Variants in PLCXD3 observed in about 807,000 individuals in gnomAD.
PLCXD3 encodes the protein phosphatidylinositol specific phospholipase C X domain containing 3.
Under a neutral mutation model 25.5 loss-of-function variants are expected in PLCXD3, and 19 were observed. The observed-to-expected ratio is 0.75, with a 90% CI of 0.52 to 1.09. The LOEUF (loss-of-function observed/expected upper bound fraction) is 1.09. Among genes scored for constraint, PLCXD3 ranks in the 50% least tolerant of loss-of-function variants. The probability of loss-of-function intolerance (pLI) is 0.00; values close to 1 mark genes in which losing one functional copy is unlikely to be tolerated. For missense variants in PLCXD3, 411 were observed against 388.1 expected (o/e 1.06, Z -0.50); for synonymous variants, 174 against 137.6 (o/e 1.26, Z -1.85).
rs1485852084 is a variant in PLCXD3 at position 41,312,808 on chromosome 5, A to G, written c.*809T>C. On this transcript the variant is annotated 3_prime_UTR_variant, in exon 3 of 3. Transcript: ENST00000377801. ...AGTTATTTTCAGAGTTTTCAATTTT[A>G]ACACACTTGTACCTTACCATTTACT... 1 of 151,934 alleles carries G rather than the reference A, an allele frequency of 6.6e-6. No individual in the cohort carries two copies. Among genetic ancestry groups the G allele is most frequent in the Admixed American group, 6.6e-5 (1 of 15,146 alleles). The allele number at this position is 151,934 out of a possible 1,614,324, so 9.4% of individuals were successfully genotyped here. A position where few individuals can be genotyped will look rare whatever the true frequency, so the allele number is the denominator to read the frequency against.
intron 1 of PLCXD3, among the ~76,000 whole-genome samples, chr5:41,389,376 A>G (rs1013818405): frequency 2.0e-5 from 3 of 152,178 alleles, no homozygotes; most frequent in Admixed American, 6.6e-5. Context: ...GTAATTAAGC[A>G]GAATACCTCC....
chr5:41,451,850 A>G (rs1010834317), intron 1 of PLCXD3, among the ~76,000 whole-genome samples: 1 of 152,014 alleles, frequency 6.6e-6, no homozygotes, highest in Non-Finnish European at 1.5e-5. Flanking sequence ...TTCACTGAGC[A>G]GTAAGAGAAA....
intron 1 of PLCXD3, among the ~76,000 whole-genome samples, chr5:41,474,971 A>G (rs1254318556): frequency 2.6e-5 from 4 of 152,212 alleles, no homozygotes; most frequent in Non-Finnish European, 5.9e-5. Flanking sequence ...CTCAAAAGCT[A>G]GAGCCAAAGT....
chr5:41,488,656 G>T (rs1303790467), intron 1 of PLCXD3, among the ~76,000 whole-genome samples: 1 of 146,546 alleles, frequency 6.8e-6, no homozygotes, highest in Non-Finnish European at 1.5e-5. Flanking sequence ...TTGTGGTTTT[G>T]ATTTGCATTT....
At chr5:41,348,255 A>T (rs1744357052) in intron 2 of PLCXD3, among the ~76,000 whole-genome samples, 1 of 152,138 alleles carries the variant, frequency 6.6e-6, no homozygotes, top group Non-Finnish European at 1.5e-5. Flanking sequence ...TTCTAAATGG[A>T]CCCTAATGTA....
At chr5:41,370,638 C>T (rs1174244244) in intron 2 of PLCXD3, among the ~76,000 whole-genome samples, 1 of 152,198 alleles carries the variant, frequency 6.6e-6, no homozygotes, top group Middle Eastern at 3.4e-3. Context: ...GTCAGAGTCA[C>T]CCTTGTTTAT....
intron 1 of PLCXD3, among the ~76,000 whole-genome samples, chr5:41,491,923 A>T (rs1248540459): frequency 6.6e-6 from 1 of 152,186 alleles, no homozygotes; most frequent in Non-Finnish European, 1.5e-5. Context: ...TGGAGTATTT[A>T]GTCCATTTAC....
chr5:41,412,253 C>T (rs1045957983), intron 1 of PLCXD3, among the ~76,000 whole-genome samples: 11 of 152,128 alleles, frequency 7.2e-5, no homozygotes, highest in South Asian at 2.1e-4. Flanking sequence ...AATGTTTTTC[C>T]GTAGTATTAC....
chr5:41,437,491 G>A (rs780252726), intron 1 of PLCXD3, among the ~76,000 whole-genome samples: 2 of 152,236 alleles, frequency 1.3e-5, no homozygotes, highest in Non-Finnish European at 2.9e-5. Flanking sequence ...CAGAGGTGAT[G>A]TTTGAGGAGC....
At chr5:41,373,850 AT>A (rs1745198874) in intron 2 of PLCXD3, among the ~76,000 whole-genome samples, 2 of 152,076 alleles carry the variant, frequency 1.3e-5, no homozygotes, top group Non-Finnish European at 2.9e-5. Context: ...GTAACAAATA[AT>A]TTCTCACCAA....
intron 1 of PLCXD3, among the ~76,000 whole-genome samples, chr5:41,473,990 C>G (rs1239956299): frequency 6.6e-6 from 1 of 152,184 alleles, no homozygotes; most frequent in Admixed American, 6.5e-5. Flanking sequence ...TGGCTTGGGA[C>G]AGTCACTACA....
chr5:41,422,289 C>T (rs911619429), intron 1 of PLCXD3, among the ~76,000 whole-genome samples: 1 of 152,160 alleles, frequency 6.6e-6, no homozygotes, highest in African/African-American at 2.4e-5. Flanking sequence ...CAAAACATGA[C>T]TGAAATCTCC....
intron 1 of PLCXD3, among the ~76,000 whole-genome samples, chr5:41,451,010 G>A (rs992197268): frequency 2.0e-5 from 3 of 152,242 alleles, no homozygotes; most frequent in Middle Eastern, 6.8e-3. Context: ...GTGTCATGCT[G>A]TATCTTCATC....
chr5:41,497,860 C>A (rs1748873528), intron 1 of PLCXD3, among the ~76,000 whole-genome samples: 1 of 151,714 alleles, frequency 6.6e-6, no homozygotes, highest in Non-Finnish European at 1.5e-5. Flanking sequence ...GTATCTTCTT[C>A]AACCACAACT....
intron 2 of PLCXD3, among the ~76,000 whole-genome samples, chr5:41,356,481 G>A (rs1283924917): frequency 6.6e-6 from 1 of 152,122 alleles, no homozygotes; most frequent in Admixed American, 6.5e-5. Context: ...TAAATTGTCA[G>A]ATGCTGTTAT....
chr5:41,491,333 T>C (rs1748664615), intron 1 of PLCXD3, among the ~76,000 whole-genome samples: 1 of 152,236 alleles, frequency 6.6e-6, no homozygotes, highest in South Asian at 2.1e-4. Context: ...TTACATTTGC[T>C]GAGGAGAGCT....
chr5:41,331,604 T>C (rs1743807174), intron 2 of PLCXD3, among the ~76,000 whole-genome samples: 1 of 152,108 alleles, frequency 6.6e-6, no homozygotes. Context: ...TTAAAGTTCA[T>C]ATGGAACCAA....
intron 2 of PLCXD3, among the ~76,000 whole-genome samples, 155 bp downstream of exon 2, chr5:41,381,671 T>G (rs572930755): frequency 1.3e-5 from 2 of 152,198 alleles, no homozygotes; most frequent in South Asian, 2.1e-4. Context: ...ATAATATATT[T>G]TTATTCTTTT....
At chr5:41,415,442 ATAGTCATCC>A (rs749130071) in intron 1 of PLCXD3, among the ~76,000 whole-genome samples, 32 of 152,326 alleles carry the variant, frequency 2.1e-4, no homozygotes, top group Middle Eastern at 6.8e-3. Context: ...TTTGAATACA[ATAGTCATCC>A]TGGATCTAGA....
Sources: gnomAD v4.1 joint callset for allele counts (sites outside exome capture counted in the v4.1 genomes callset) on GRCh38, gnomAD v4.1.1 for gene constraint, MANE v1.5 for transcripts, NCBI Gene and HGNC (gene_info 2026-07-23, HGNC 2026-07-21) for gene names.